The following ALMS1 variants were observed in gnomAD, a reference collection of about 807,000 sequenced individuals.
ALMS1 encodes the protein ALMS1 centrosome and basal body associated protein, also known as centrosome-associated protein ALMS1.
Under a neutral mutation model 352.2 loss-of-function variants are expected in ALMS1, and 271 were observed. The ratio of observed to expected loss-of-function variants is 0.77; its 90% CI spans 0.70 to 0.85. The LOEUF (loss-of-function observed/expected upper bound fraction) is 0.85, where lower values mean the gene tolerates loss of function less well. Ranked by LOEUF, ALMS1 falls within the 40% of genes least tolerant of loss-of-function variation. The pLI is 0.00. For missense variants in ALMS1, 5,445 were observed against 4,870.7 expected (o/e 1.12, Z -3.51); for synonymous variants, 1,865 against 1,761.2 (o/e 1.06, Z -1.48).
chr2:73,453,768 A>G lies in ALMS1; in HGVS notation c.7241A>G (p.Asp2414Gly). 6.2e-7 allele frequency: 1 copy of G among 1,614,162 alleles called. No individual in the cohort carries two copies. Among genetic ancestry groups the G allele is most frequent in the Non-Finnish European group, 8.5e-7 (1 of 1,180,006 alleles). The change falls in exon 8 of 23, where the codon GAT becomes GGT. Residue 2414 changes from aspartate to glycine, a missense_variant. Asp to Gly is a moderately conservative substitution (Grantham distance 94). Transcript: ENST00000613296. Reference protein sequence around the residue: ...IIPMMTVIKSDSSSDASDGNG... With the variant: ...IIPMMTVIKSGSSSDASDGNG... ...CCTATGATGACTGTCATAAAAAGTG[A>G]TTCAAGTAGTGATGCCAGTGATGGA... is the stretch of plus-strand genomic sequence containing the variant.
At chr2:73,447,455 C>T (rs1357925752) in intron 7 of ALMS1, among the ~76,000 whole-genome samples, 2 of 152,032 alleles carry the variant, frequency 1.3e-5, no homozygotes, top group African/African-American at 4.8e-5. Flanking sequence ...AAACTCACTG[C>T]ACGCATAGCA....
At chr2:73,591,835 T>C (rs1043732848) in intron 16 of ALMS1, among the ~76,000 whole-genome samples, 1 of 152,204 alleles carries the variant, frequency 6.6e-6, no homozygotes, top group African/African-American at 2.4e-5. Context: ...AGAAAAACCT[T>C]TGGGAAACAT....
chr2:73,442,516 T>G (rs887501943), intron 7 of ALMS1, among the ~76,000 whole-genome samples: 1 of 152,152 alleles, frequency 6.6e-6, no homozygotes, highest in African/African-American at 2.4e-5. Context: ...CACCATCAGT[T>G]TTTCCAAATT....
chr2:73,487,191 C>T (rs1468543474), intron 9 of ALMS1, among the ~76,000 whole-genome samples: 1 of 152,210 alleles, frequency 6.6e-6, no homozygotes, highest in Non-Finnish European at 1.5e-5. Flanking sequence ...CTTGGCCTGG[C>T]AGGCTGTGCT....
intron 9 of ALMS1, among the ~76,000 whole-genome samples, chr2:73,463,908 T>A (rs1020146055): frequency 3.9e-5 from 6 of 152,054 alleles, no homozygotes; most frequent in Non-Finnish European, 8.8e-5. Flanking sequence ...AGAAGTTGAC[T>A]CTCTGAATAG....
intron 11 of ALMS1, among the ~76,000 whole-genome samples, chr2:73,521,631 T>C (rs990163753): frequency 6.8e-6 from 1 of 148,040 alleles, no homozygotes; most frequent in Non-Finnish European, 1.5e-5. Context: ...GTGCCTGTAG[T>C]CCCAGCTACT....
intron 9 of ALMS1, among the ~76,000 whole-genome samples, chr2:73,465,554 A>T (rs1016271099): frequency 6.6e-6 from 1 of 152,210 alleles, no homozygotes. Flanking sequence ...AACCTAGGCA[A>T]TACCATTCAG....
intron 13 of ALMS1, among the ~76,000 whole-genome samples, chr2:73,556,560 C>G (rs1168852227): frequency 6.6e-6 from 1 of 150,788 alleles, no homozygotes; most frequent in Non-Finnish European, 1.5e-5. Context: ...GTGGTAAAAA[C>G]TTTGAATAGG....
At chr2:73,507,818 G>C (rs540541708) in intron 10 of ALMS1, among the ~76,000 whole-genome samples, 2 of 152,174 alleles carry the variant, frequency 1.3e-5, no homozygotes, top group Admixed American at 6.5e-5. Flanking sequence ...TCTTCTGCTA[G>C]CTTTTGAATT....
At chr2:73,393,011 T>G (rs1403683898) in intron 1 of ALMS1, among the ~76,000 whole-genome samples, 1 of 152,212 alleles carries the variant, frequency 6.6e-6, no homozygotes, top group African/African-American at 2.4e-5. Context: ...CTGACTTTTT[T>G]GTAGTTTTGA....
At chr2:73,532,729 G>A (rs1673941162) in intron 11 of ALMS1, among the ~76,000 whole-genome samples, 1 of 152,116 alleles carries the variant, frequency 6.6e-6, no homozygotes, top group Admixed American at 6.5e-5. Context: ...CCCCTCTGTG[G>A]CTGAGCTGGC....
At chr2:73,455,402 A>C in intron 9 of ALMS1, 107 bp downstream of exon 9, 1 of 1,478,948 alleles carries the variant, frequency 6.8e-7, no homozygotes, top group Admixed American at 1.9e-5. Flanking sequence ...ATTTGGCTAA[A>C]GCCTTTTTTG....
At chr2:73,535,795 T>C (rs149312679) in intron 12 of ALMS1, among the ~76,000 whole-genome samples, 1 of 152,134 alleles carries the variant, frequency 6.6e-6, no homozygotes, top group Non-Finnish European at 1.5e-5. Context: ...GGACAGTATT[T>C]TGAGTTGTCG....
At chr2:73,438,966 T>A (rs2103750026) in intron 7 of ALMS1, among the ~76,000 whole-genome samples, 1 of 150,894 alleles carries the variant, frequency 6.6e-6, no homozygotes, top group African/African-American at 2.5e-5. Flanking sequence ...TAGCCACTCC[T>A]ATAGAATAGT....
At chr2:73,525,362 C>G (rs1558681187) in intron 11 of ALMS1, among the ~76,000 whole-genome samples, 1 of 152,304 alleles carries the variant, frequency 6.6e-6, no homozygotes, top group South Asian at 2.1e-4. Context: ...TAACTGTTCT[C>G]TATAGTGTTG....
chr2:73,504,118 T>C (rs1193590624), intron 10 of ALMS1, among the ~76,000 whole-genome samples: 1 of 152,132 alleles, frequency 6.6e-6, no homozygotes, highest in African/African-American at 2.4e-5. Context: ...GTTACAAAAA[T>C]AGCCAAGGGA....
chr2:73,518,373 G>A (rs995192954), intron 10 of ALMS1, among the ~76,000 whole-genome samples: 26 of 151,992 alleles, frequency 1.7e-4, no homozygotes, highest in African/African-American at 4.8e-4. Flanking sequence ...TCATTTATGG[G>A]GCATTTAGGT....
In ALMS1 at chr2:73,541,358, A is replaced by G. The variant is rs987844712; in HGVS notation, c.9907+6409A>G. On this transcript the variant is annotated intron_variant, in intron 12 of 22. Transcript: ENST00000613296. ...AGATACAACATACCACAATCTCTGG[A>G]ACACATTCAAAGCAGTGTGTAGAGG... is the stretch of plus-strand genomic sequence containing the variant. Among the ~76,000 whole-genome samples the G allele has an allele frequency of 3.3e-5, 5 of 152,340 alleles. No individual in the cohort carries two copies. In the East Asian group the frequency reaches 9.6e-4, roughly 29 times the overall value.
chr2:73,472,050 T>G (rs980036597), intron 9 of ALMS1, among the ~76,000 whole-genome samples: 7 of 152,206 alleles, frequency 4.6e-5, no homozygotes, highest in Admixed American at 6.6e-5. Context: ...ACAACATGGA[T>G]GACCCTGCAA....
Sources: gnomAD v4.1 joint callset for allele counts (sites outside exome capture counted in the v4.1 genomes callset) on GRCh38, gnomAD v4.1.1 for gene constraint, MANE v1.5 for transcripts, NCBI Gene and HGNC (gene_info 2026-07-23, HGNC 2026-07-21) for gene names.